RAD52: variants seen among roughly 807,000 people sequenced by gnomAD.
The protein encoded by RAD52 is DNA repair protein RAD52 homolog.
A neutral mutation model predicts 55.5 loss-of-function variants in RAD52; 47 were observed. The observed-to-expected ratio is 0.85, with a 90% CI of 0.67 to 1.08. RAD52 has a LOEUF of 1.08. Among genes scored for constraint, RAD52 ranks in the 50% least tolerant of loss-of-function variants. The pLI is 0.00. For missense variants in RAD52, 468 were observed against 522.8 expected (o/e 0.90, Z 1.02); for synonymous variants, 184 against 198.9 (o/e 0.92, Z 0.63).
chr12:939,750 C>A (rs1957822778), intron 1 of RAD52, among the ~76,000 whole-genome samples: 1 of 152,162 alleles, frequency 6.6e-6, no homozygotes, highest in African/African-American at 2.4e-5. Flanking sequence ...AAAGAGGGAT[C>A]CAGATAGGAA....
At chr12:969,495 A>G (rs781462379) in intron 1 of RAD52, among the ~76,000 whole-genome samples, 2 of 152,044 alleles carry the variant, frequency 1.3e-5, no homozygotes, top group African/African-American at 2.4e-5. Context: ...TTCTCATTAC[A>G]AGAATTTTAA....
chr12:974,279 A>G (rs1409986765), intron 1 of RAD52: 1 of 152,228 alleles, frequency 6.6e-6, no homozygotes, highest in East Asian at 1.9e-4. Context: ...TCCAACTGCC[A>G]GCACCTCCAT....
At chr12:940,967 G>A (rs1957889566) in intron 1 of RAD52, among the ~76,000 whole-genome samples, 1 of 152,068 alleles carries the variant, frequency 6.6e-6, no homozygotes, top group African/African-American at 2.4e-5. Context: ...TACAGAAGAA[G>A]TGAAAGAGAA....
rs529827901 is a variant in RAD52 at position 916,632 on chromosome 12, C to A, written c.725+7G>T. 2.5e-6 allele frequency: 4 copies of A among 1,611,234 alleles called. No homozygotes were observed. Among genetic ancestry groups the A allele is most frequent in the Non-Finnish European group, 3.4e-6 (4 of 1,178,262 alleles). Reference sequence around the variant, plus strand: ...GCAGAGGAAAGGAGGGGACTTAGGCCGCATACCGGGAGCTGCAGTCCTGGT... The same window carrying A: ...GCAGAGGAAAGGAGGGGACTTAGGCAGCATACCGGGAGCTGCAGTCCTGGT... On this transcript the variant is annotated splice_region_variant and intron_variant, in intron 8 of 11. Transcript: ENST00000358495.
chr12:942,501 C>A (rs1957971698), intron 1 of RAD52, among the ~76,000 whole-genome samples: 1 of 152,180 alleles, frequency 6.6e-6, no homozygotes, highest in Non-Finnish European at 1.5e-5. Flanking sequence ...ATAATCCCAG[C>A]ATGTTGGGAG....
At chr12:913,563 G>A in intron 11 of RAD52, 111 bp from the exon 12 acceptor site, 1 of 915,764 alleles carries the variant, frequency 1.1e-6, no homozygotes, top group Non-Finnish European at 1.7e-6. Flanking sequence ...GCCCAAGAAT[G>A]AGAATTACTG....
chr12:931,931 A>G (rs1344442), intron 2 of RAD52, among the ~76,000 whole-genome samples: 150,776 of 152,296 alleles, frequency 0.99, 74,654 homozygotes, highest in East Asian at 1. Flanking sequence ...TGCCCTGCTC[A>G]GATGAGATGA....
At position 913,175 on chromosome 12, in the gene RAD52, A is replaced by T. The variant is rs1956188027; in HGVS notation, c.*216T>A. 9.2e-6 allele frequency: 5 copies of T among 545,526 alleles called. No individual in the cohort carries two copies. The highest frequency in any genetic ancestry group is 1.6e-5 in the Non-Finnish European group (5 of 309,674). 33.8% of individuals were successfully genotyped at this position (545,526 alleles called of 1,614,324 possible). A position where few individuals can be genotyped will look rare whatever the true frequency, so the allele number is the denominator to read the frequency against. The stretch of plus-strand genomic sequence containing the variant: ...GAAGAAAAGGTATTCATCTGTCCAG[A>T]GCCTCTCCCTACTAGAGTGATGGAC... On this transcript the variant is annotated 3_prime_UTR_variant, in exon 12 of 12. Transcript: ENST00000358495.
intron 7 of RAD52, among the ~76,000 whole-genome samples, chr12:918,878 C>T (rs1420455674): frequency 6.6e-6 from 1 of 152,128 alleles, no homozygotes; most frequent in Admixed American, 6.5e-5. Context: ...ATGGATGATA[C>T]GTGCACTCGT....
intron 1 of RAD52, among the ~76,000 whole-genome samples, chr12:961,756 G>C (rs79074159): frequency 6.6e-6 from 1 of 152,212 alleles, no homozygotes; most frequent in South Asian, 2.1e-4. Flanking sequence ...CCAGCTACTC[G>C]GGAGGTTGGA....
chr12:958,513 C>T (rs1479691600), intron 1 of RAD52, among the ~76,000 whole-genome samples: 1 of 152,162 alleles, frequency 6.6e-6, no homozygotes, highest in Non-Finnish European at 1.5e-5. Context: ...ACTGTGCCCA[C>T]CCAGCCTGCA....
At chr12:914,225 C>G (rs902069211) in intron 10 of RAD52, 104 bp from the exon 11 acceptor site, 1 of 1,309,906 alleles carries the variant, frequency 7.6e-7, no homozygotes. Flanking sequence ...TCAGTACCTT[C>G]TGAAAGTTTT....
intron 1 of RAD52, among the ~76,000 whole-genome samples, chr12:962,343 C>CTTT (rs72427284): frequency 5.9e-5 from 1 of 16,978 alleles, no homozygotes; most frequent in African/African-American, 1.2e-4. Flanking sequence ...GCTTTCTTTC[C>CTTT]TTTTTTTTTT....
rs143466263 is a variant in RAD52, at chr12:968,817, T to C, written c.-19+20992A>G. ...TGTGAGCTCAATAAGGCAAGGAGCT[T>C]GTCTACTATATCCCCAGGATCGTGA... On this transcript the variant is annotated intron_variant, in intron 1 of 11. Coordinates refer to the RAD52 transcript ENST00000430095. Among the ~76,000 whole-genome samples the C allele has an allele frequency of 1.3e-3, 193 of 152,172 alleles. 5 individuals carry two copies. Among genetic ancestry groups the C allele is most frequent in the African/African-American group, 4.6e-3 (191 of 41,446 alleles).
intron 1 of RAD52, among the ~76,000 whole-genome samples, chr12:940,325 G>A (rs550530000): frequency 9.8e-4 from 149 of 151,524 alleles, no homozygotes; most frequent in South Asian, 6.3e-3. Context: ...TTGGCCGGGC[G>A]CGGTGGCTCA....
chr12:974,614 T>C (rs1958912464), intron 1 of RAD52: 1 of 152,212 alleles, frequency 6.6e-6, no homozygotes, highest in Non-Finnish European at 1.5e-5. Flanking sequence ...CTGAGGCCAC[T>C]GTAAATCAGT....
intron 7 of RAD52, among the ~76,000 whole-genome samples, chr12:918,705 G>A (rs945369745): frequency 7.9e-5 from 12 of 151,960 alleles, no homozygotes; most frequent in African/African-American, 4.8e-5. Context: ...CACCACACCC[G>A]GCCAATCTGT....
chr12:943,779 GT>G (rs929722576), intron 1 of RAD52, among the ~76,000 whole-genome samples: 37 of 137,834 alleles, frequency 2.7e-4, no homozygotes, highest in Admixed American at 6.2e-4. Flanking sequence ...TGTGTGTGTG[GT>G]TTTTTTTTTG....
In RAD52 at chr12:913,335, A is replaced by C; in HGVS notation, c.*56T>G. 1 of 1,298,366 alleles carries C rather than the reference A, an allele frequency of 7.7e-7. No homozygotes were observed. The highest frequency in any genetic ancestry group is 1.3e-5 in the South Asian group (1 of 79,342). The allele number at this position is 1,298,366 out of a possible 1,614,324, so 80.4% of individuals were successfully genotyped here. ...GCGATGAACAATTTCATGACCAAAA[A>C]GTAGTTTTCCAAAGTCCCTTTGTGA... On this transcript the variant is annotated 3_prime_UTR_variant, in exon 12 of 12. Transcript: ENST00000358495.
Sources: allele counts gnomAD v4.1 joint callset (sites outside exome capture counted in the v4.1 genomes callset), GRCh38; gene constraint gnomAD v4.1.1; transcripts MANE v1.5; gene names NCBI Gene and HGNC (gene_info 2026-07-23, HGNC 2026-07-21).